Variants in RARB observed in about 807,000 individuals in gnomAD.
The protein encoded by RARB is retinoic acid receptor beta.
A neutral mutation model predicts 51.9 loss-of-function variants in RARB; 17 were observed. The ratio of observed to expected loss-of-function variants is 0.33; its 90% CI spans 0.22 to 0.49. RARB has a LOEUF of 0.49. Ranked by LOEUF, RARB falls within the 20% of genes least tolerant of loss-of-function variation. RARB has a pLI of 0.99. For synonymous variants in RARB, 215 were observed against 195.4 expected (o/e 1.10, Z -0.84); for missense variants, 369 against 550.8 (o/e 0.67, Z 3.30).
intron 2 of RARB, among the ~76,000 whole-genome samples, chr3:25,030,239 A>G (rs1227255565): frequency 6.6e-6 from 1 of 152,240 alleles, no homozygotes; most frequent in Non-Finnish European, 1.5e-5. Context: ...TGTGTTTTAT[A>G]TTCTGCCCTT....
intron 3 of RARB, among the ~76,000 whole-genome samples, chr3:25,540,438 A>G (rs1287199829): frequency 6.6e-6 from 1 of 152,200 alleles, no homozygotes; most frequent in Non-Finnish European, 1.5e-5. Context: ...TAAACTCTCT[A>G]GAATCTGGTT....
At chr3:24,965,168 T>A (rs4858134) in intron 2 of RARB, among the ~76,000 whole-genome samples, 1 of 151,868 alleles carries the variant, frequency 6.6e-6, no homozygotes, top group South Asian at 2.1e-4. Context: ...GACATCATCA[T>A]GTGTGGAGTT....
chr3:25,596,517 G>C lies in RARB; in HGVS notation c.1248G>C (p.Leu416Phe). 1 of 1,613,508 alleles carries C rather than the reference G, an allele frequency of 6.2e-7. No individual in the cohort carries two copies. Among genetic ancestry groups the C allele is most frequent in the Non-Finnish European group, 8.5e-7 (1 of 1,179,550 alleles). Residue 416 changes from leucine (L) to phenylalanine (F), a missense_variant, in exon 8 of 8, where the codon TTG (leucine) becomes TTC (phenylalanine). Physicochemically the swap from Leu to Phe is conservative, Grantham distance 22 (BLOSUM62 0). Around this residue, in one of 9 missense-constraint regions of RARB, gnomAD observed 54 missense variants for 43.4 expected, o/e 1.24. Transcript: ENST00000330688. Reference sequence around the variant, plus strand: ...AGAATTCTGAAGGACATGAACCCTTGACCCCAAGTTCAAGTGGGAACACAG... The same window carrying C: ...AGAATTCTGAAGGACATGAACCCTTCACCCCAAGTTCAAGTGGGAACACAG... ...MLENSEGHEPLTPSSSGNTAE... is the reference protein window; with the variant it reads ...MLENSEGHEPFTPSSSGNTAE...
chr3:25,252,461 G>A (rs1702749240), intron 5 of RARB, among the ~76,000 whole-genome samples: 1 of 152,156 alleles, frequency 6.6e-6, no homozygotes, highest in South Asian at 2.1e-4. Context: ...TAATGATATT[G>A]TCTTCCAGTC....
At chr3:25,398,017 T>C (rs1327391162) in intron 5 of RARB, among the ~76,000 whole-genome samples, 1 of 152,188 alleles carries the variant, frequency 6.6e-6, no homozygotes, top group Non-Finnish European at 1.5e-5. Context: ...GAAGCTAAGG[T>C]AAATCTTTTT....
intron 2 of RARB, among the ~76,000 whole-genome samples, chr3:25,471,218 C>G (rs1196155030): frequency 6.6e-6 from 1 of 152,150 alleles, no homozygotes. Context: ...TTTCTGCCTT[C>G]TACCTCAGTT....
At chr3:25,123,727 G>A (rs1454942916) in intron 3 of RARB, among the ~76,000 whole-genome samples, 1 of 152,134 alleles carries the variant, frequency 6.6e-6, no homozygotes, top group Non-Finnish European at 1.5e-5. Context: ...TTATTTTGCT[G>A]CCTATTTTTA....
chr3:25,587,538 G>T (rs1415793842), intron 5 of RARB, among the ~76,000 whole-genome samples: 3 of 152,002 alleles, frequency 2.0e-5, no homozygotes, highest in African/African-American at 7.3e-5. Flanking sequence ...CAAAACAATG[G>T]CTGCTAGAGT....
chr3:25,205,584 T>C (rs1701519110), intron 5 of RARB, among the ~76,000 whole-genome samples: 2 of 152,072 alleles, frequency 1.3e-5, no homozygotes, highest in South Asian at 2.1e-4. Flanking sequence ...TGCAATGTTT[T>C]TAACCCAAAA....
At chr3:25,097,645 A>T (rs950064914) in intron 3 of RARB, among the ~76,000 whole-genome samples, 2 of 152,138 alleles carry the variant, frequency 1.3e-5, no homozygotes, top group African/African-American at 4.8e-5. Context: ...CATCATCTCT[A>T]AAAACAAAAG....
At chr3:25,254,828 G>T (rs916504653) in intron 5 of RARB, among the ~76,000 whole-genome samples, 1 of 152,070 alleles carries the variant, frequency 6.6e-6, no homozygotes, top group East Asian at 1.9e-4. Context: ...CTTTGACTCT[G>T]CCATTACCTT....
intron 5 of RARB, among the ~76,000 whole-genome samples, chr3:25,232,529 G>T (rs965638515): frequency 4.6e-5 from 7 of 151,860 alleles, no homozygotes; most frequent in Admixed American, 4.6e-4. Context: ...TTTATTTAGG[G>T]TTTTTTTATT....
At chr3:25,313,435 T>C (rs936727076) in intron 5 of RARB, among the ~76,000 whole-genome samples, 3 of 152,202 alleles carry the variant, frequency 2.0e-5, no homozygotes, top group Admixed American at 1.3e-4. Context: ...ATGCCTAATG[T>C]AGGAAGTAAC....
At chr3:25,406,152 T>C in intron 5 of RARB, among the ~76,000 whole-genome samples, 1 of 152,206 alleles carries the variant, frequency 6.6e-6, no homozygotes, top group East Asian at 1.9e-4. Context: ...CATCTGTCCA[T>C]ATCCAGGGCT....
intron 5 of RARB, among the ~76,000 whole-genome samples, chr3:25,199,413 A>G (rs550740302): frequency 1.8e-4 from 28 of 152,244 alleles, no homozygotes; most frequent in African/African-American, 5.8e-4. Context: ...ATTACAGTCA[A>G]CAATAATTGT....
intron 5 of RARB, among the ~76,000 whole-genome samples, chr3:25,299,282 G>A (rs543347780): frequency 1.5e-4 from 23 of 151,946 alleles, no homozygotes; most frequent in Non-Finnish European, 3.2e-4. Flanking sequence ...CTGCAGCCTC[G>A]ACATTTTCAG....
At chr3:25,044,649 C>T (rs1364796797) in intron 2 of RARB, among the ~76,000 whole-genome samples, 3 of 152,288 alleles carry the variant, frequency 2.0e-5, no homozygotes, top group East Asian at 3.9e-4. Context: ...ATGAATGTGT[C>T]TCTCTTGTTC....
intron 2 of RARB, chr3:25,020,249 T>C (rs1387775851): frequency 6.6e-6 from 1 of 151,606 alleles, no homozygotes; most frequent in East Asian, 1.9e-4. Context: ...AGCACATGAG[T>C]TTTGACAGGC....
intron 5 of RARB, among the ~76,000 whole-genome samples, chr3:25,358,484 C>A (rs976696876): frequency 6.6e-6 from 1 of 152,144 alleles, no homozygotes; most frequent in Admixed American, 6.5e-5. Context: ...CTTTCTCTTG[C>A]CTGATTGCCC....
Sources: allele counts gnomAD v4.1 joint callset (sites outside exome capture counted in the v4.1 genomes callset), GRCh38; gene constraint gnomAD v4.1.1; regional missense constraint gnomAD v4.1.1; transcripts MANE v1.5; gene names NCBI Gene and HGNC (gene_info 2026-07-23, HGNC 2026-07-21).